FIG4: variants seen among roughly 807,000 people sequenced by gnomAD.
FIG4 encodes the protein FIG4 phosphoinositide 5-phosphatase.
FIG4 carries 112 observed loss-of-function variants against 118.6 expected under a neutral mutation model. The ratio of observed to expected loss-of-function variants is 0.94; its 90% CI spans 0.81 to 1.11. The LOEUF (loss-of-function observed/expected upper bound fraction) is 1.11. FIG4 is among the 50% of genes least tolerant of loss of function. The pLI, the probability that FIG4 is intolerant of heterozygous loss-of-function variation, is 0.00. For missense variants in FIG4, 969 were observed against 1,111.7 expected, an observed-to-expected ratio of 0.87 and a Z score of 1.83; for synonymous variants, 369 against 381.2, an observed-to-expected ratio of 0.97 and a Z score of 0.37.
intron 15 of FIG4, among the ~76,000 whole-genome samples, chr6:109,771,461 CTTTTTTTTTTTT>C (rs71018367): frequency 5.8e-5 from 5 of 86,028 alleles, no homozygotes; most frequent in South Asian, 5.1e-4. Context: ...TCCTCTAATT[CTTTTTTTTTTTT>C]TTTTTTTTTT....
rs148560148 is a variant in FIG4 at position 109,782,469 on chromosome 6, A to G, written c.1890-2501A>G. ...ATTTAGTAATATTTTTAAAAAGTTT[A>G]TGGCCTGGTCTTAAATCATGAATAC... On this transcript the variant is annotated intron_variant, in intron 16 of 22. Coordinates refer to ENST00000230124, the MANE Select transcript of FIG4 (RefSeq NM_014845.6). 4.1e-4 allele frequency among the ~76,000 whole-genome samples: 62 copies of G among 152,348 alleles called. 1 individual carries two copies. Among genetic ancestry groups the G allele is most frequent in the African/African-American group, 1.5e-3 (61 of 41,588 alleles).
At chr6:109,766,924 G>T (rs749453716) in intron 15 of FIG4, 29 bp downstream of exon 15, 2 of 1,590,958 alleles carry the variant, frequency 1.3e-6, no homozygotes, top group Non-Finnish European at 1.7e-6. Flanking sequence ...CTATTTTTAA[G>T]ACTTACTCTG....
chr6:109,803,788 T>G, intron 22 of FIG4, among the ~76,000 whole-genome samples: 1 of 91,818 alleles, frequency 1.1e-5, no homozygotes. Flanking sequence ...CCCACAACAG[T>G]CCCCAGTGTG....
rs1353495657 is a variant in FIG4, at chr6:109,724,829, G to GTA, written c.290-2279_290-2278insAT. Among the ~76,000 whole-genome samples the GTA allele has an allele frequency of 2.7e-5, 4 of 149,416 alleles. No individual in the cohort carries two copies. In the South Asian group the frequency reaches 6.4e-4, roughly 24 times the overall value. Reference sequence around the variant, plus strand: ...TGTGTGTGTGTGTGTGTGTGTGTGTGTGTACATATATATATATATATTTAA... The same window carrying GTA: ...TGTGTGTGTGTGTGTGTGTGTGTGTGTATGTACATATATATATATATATTTAA... On this transcript the variant is annotated intron_variant, in intron 3 of 22. Coordinates refer to ENST00000230124, the MANE Select transcript of FIG4 (RefSeq NM_014845.6).
At chr6:109,777,202 G>A (rs1202912673) in intron 16 of FIG4, 142 bp downstream of exon 16, 13 of 671,064 alleles carry the variant, frequency 1.9e-5, no homozygotes, top group East Asian at 8.6e-5. Flanking sequence ...TTGTGGGTAC[G>A]TAGTAGGTGT....
intron 11 of FIG4, among the ~76,000 whole-genome samples, chr6:109,761,294 G>A (rs1331698607): frequency 3.3e-5 from 5 of 152,010 alleles, no homozygotes; most frequent in Middle Eastern, 3.4e-3. Flanking sequence ...GGGTTCAAGC[G>A]ATTCTCCTGT....
intron 22 of FIG4, among the ~76,000 whole-genome samples, chr6:109,814,970 G>A (rs1470658029): frequency 1.3e-5 from 2 of 151,970 alleles, no homozygotes; most frequent in Non-Finnish European, 2.9e-5. Flanking sequence ...ACATATATGT[G>A]TAAATGTATG....
chr6:109,733,701 TC>T (rs1776076360), intron 5 of FIG4, among the ~76,000 whole-genome samples: 1 of 152,062 alleles, frequency 6.6e-6, no homozygotes, highest in South Asian at 2.1e-4. Flanking sequence ...AGTTTTTACT[TC>T]CACACACGTT....
chr6:109,701,496 A>G (rs3799844), intron 1 of FIG4, among the ~76,000 whole-genome samples: 3,702 of 152,352 alleles, frequency 0.024, 91 homozygotes, highest in East Asian at 0.11. Flanking sequence ...AAAGAAATGA[A>G]CACATAATAG....
intron 15 of FIG4, among the ~76,000 whole-genome samples, chr6:109,770,312 C>A (rs1777419741): frequency 1.3e-5 from 2 of 151,914 alleles, no homozygotes; most frequent in Non-Finnish European, 2.9e-5. Flanking sequence ...AGATAAGAAA[C>A]CTACAGCAGT....
intron 5 of FIG4, among the ~76,000 whole-genome samples, chr6:109,734,000 A>G (rs998022451): frequency 5.3e-5 from 8 of 151,990 alleles, no homozygotes; most frequent in African/African-American, 1.9e-4. Flanking sequence ...TTTTAAATAG[A>G]AATAATTGAT....
At chr6:109,750,426 G>T (rs555431530) in intron 10 of FIG4, among the ~76,000 whole-genome samples, 2 of 152,268 alleles carry the variant, frequency 1.3e-5, no homozygotes, top group Admixed American at 1.3e-4. Flanking sequence ...ATGAGGCCAG[G>T]AGTCTGAGAG....
At chr6:109,738,193 TA>T in intron 6 of FIG4, 131 bp from the exon 7 acceptor site, 1 of 765,022 alleles carries the variant, frequency 1.3e-6, no homozygotes, top group Non-Finnish European at 2.2e-6. Context: ...ACTTTGAAGT[TA>T]AAAACAGAAG....
At chr6:109,728,557 A>G (rs1775888886) in intron 4 of FIG4, among the ~76,000 whole-genome samples, 1 of 152,184 alleles carries the variant, frequency 6.6e-6, no homozygotes. Context: ...ACCAAAATTT[A>G]AAGGTGATGC....
chr6:109,738,176 G>A (rs1776215557), intron 6 of FIG4, 149 bp from the exon 7 acceptor site: 1 of 681,118 alleles, frequency 1.5e-6, no homozygotes, highest in Admixed American at 2.3e-5. Context: ...TATTAACCAA[G>A]CATGTTACTT....
At chr6:109,743,521 AT>A (rs1464312907) in intron 9 of FIG4, 153 bp from the exon 10 acceptor site, 1 of 699,008 alleles carries the variant, frequency 1.4e-6, no homozygotes, top group Admixed American at 2.2e-5. Context: ...TACATGATGA[AT>A]AAGTGTCTAG....
rs552313946 is a variant in FIG4 at position 109,754,067 on chromosome 6, G to A, written c.1138-6183G>A. 1.2e-3 allele frequency among the ~76,000 whole-genome samples: 190 copies of A among 152,296 alleles called. 1 individual carries two copies. Among genetic ancestry groups the A allele is most frequent in the African/African-American group, 4.3e-3 (178 of 41,546 alleles). ...TTTTTGCCCATTCAGTATGATATTGGCTGTGGGTTTGACACAGATAGCTCT... is the reference window on the plus strand; with the variant it reads ...TTTTTGCCCATTCAGTATGATATTGACTGTGGGTTTGACACAGATAGCTCT... On this transcript the variant is annotated intron_variant, in intron 10 of 22. Transcript: ENST00000230124.
intron 15 of FIG4, among the ~76,000 whole-genome samples, chr6:109,774,696 G>C (rs1467673945): frequency 6.6e-6 from 1 of 152,062 alleles, no homozygotes; most frequent in Non-Finnish European, 1.5e-5. Context: ...TAGCGAAGTT[G>C]GATTTTTATA....
intron 7 of FIG4, among the ~76,000 whole-genome samples, chr6:109,741,051 C>G (rs549667244): frequency 7.2e-5 from 11 of 152,234 alleles, no homozygotes. Flanking sequence ...CACCTCCCAC[C>G]AGACCCTACC....
Sources: gnomAD v4.1 joint callset for allele counts (sites outside exome capture counted in the v4.1 genomes callset) on GRCh38, gnomAD v4.1.1 for gene constraint, MANE v1.5 for transcripts, NCBI Gene and HGNC (gene_info 2026-07-23, HGNC 2026-07-21) for gene names.